Variants in NALCN observed in about 807,000 individuals in gnomAD.
NALCN encodes the protein sodium leak channel, non-selective, also known as sodium leak channel NALCN.
In NALCN, 111 loss-of-function variants were observed where a neutral mutation model predicts 225.3. The ratio of observed to expected loss-of-function variants is 0.49; its 90% CI spans 0.42 to 0.58. NALCN has a LOEUF of 0.58. NALCN is among the 20% of genes least tolerant of loss of function. The pLI, the probability that NALCN is intolerant of heterozygous loss-of-function variation, is 0.00. For synonymous variants in NALCN, 764 were observed against 769.0 expected, an observed-to-expected ratio of 0.99 and a Z score of 0.11; for missense variants, 1,378 against 2,202.4, an observed-to-expected ratio of 0.63 and a Z score of 7.49.
chr13:101,329,420 T>C (rs506746), intron 7 of NALCN, among the ~76,000 whole-genome samples: 122,010 of 152,106 alleles, frequency 0.8, 49,583 homozygotes, highest in Non-Finnish European at 0.86. Context: ...CAATAATTAT[T>C]ATTGCTGATT....
At chr13:101,345,174 C>A in intron 7 of NALCN, 92 bp downstream of exon 7, 1 of 1,318,322 alleles carries the variant, frequency 7.6e-7, no homozygotes, top group South Asian at 1.5e-5. Flanking sequence ...TACAGCCAGT[C>A]AAAATATTAG....
intron 3 of NALCN, among the ~76,000 whole-genome samples, chr13:101,386,929 A>T (rs1260586145): frequency 6.6e-6 from 1 of 152,198 alleles, no homozygotes; most frequent in Non-Finnish European, 1.5e-5. Flanking sequence ...CTCTTTAAAA[A>T]ATAACAGGTT....
At chr13:101,106,478 A>G (rs1461642975) in intron 22 of NALCN, among the ~76,000 whole-genome samples, 4 of 152,212 alleles carry the variant, frequency 2.6e-5, no homozygotes, top group African/African-American at 9.6e-5. Context: ...CATTTCCTCC[A>G]TGACTCTTAA....
At chr13:101,325,476 G>A (rs559147556) in intron 7 of NALCN, among the ~76,000 whole-genome samples, 12 of 152,288 alleles carry the variant, frequency 7.9e-5, no homozygotes, top group African/African-American at 2.9e-4. Context: ...ACACAAAACA[G>A]CCAGCTGCTG....
At chr13:101,155,651 C>T (rs566152055) in intron 15 of NALCN, among the ~76,000 whole-genome samples, 178 of 152,278 alleles carry the variant, frequency 1.2e-3, no homozygotes, top group African/African-American at 4.2e-3. Context: ...TCTTTTCCTA[C>T]TCCATTGGCT....
At chr13:101,359,074 G>A (rs1292271123) in intron 6 of NALCN, among the ~76,000 whole-genome samples, 1 of 152,132 alleles carries the variant, frequency 6.6e-6, no homozygotes, top group Non-Finnish European at 1.5e-5. Context: ...AATAGCTAAT[G>A]CATGCGGGGC....
chr13:101,106,447 TG>T (rs2035106555), intron 22 of NALCN, among the ~76,000 whole-genome samples: 1 of 152,188 alleles, frequency 6.6e-6, no homozygotes, highest in Non-Finnish European at 1.5e-5. Flanking sequence ...AACTACATAA[TG>T]GGAACATGGA....
intron 17 of NALCN, among the ~76,000 whole-genome samples, chr13:101,137,241 C>T (rs1330626266): frequency 6.6e-6 from 1 of 152,136 alleles, no homozygotes; most frequent in African/African-American, 2.4e-5. Context: ...TGTCATCTGT[C>T]ACTCTTTTCC....
chr13:101,340,111 C>A (rs2045509376), intron 7 of NALCN, among the ~76,000 whole-genome samples: 1 of 151,786 alleles, frequency 6.6e-6, no homozygotes, highest in Non-Finnish European at 1.5e-5. Flanking sequence ...ACTAAAAATA[C>A]AAAAAAATTA....
intron 11 of NALCN, among the ~76,000 whole-genome samples, chr13:101,258,162 G>A (rs2042301210): frequency 6.6e-6 from 1 of 152,118 alleles, no homozygotes; most frequent in Admixed American, 6.5e-5. Flanking sequence ...GATAATAAGA[G>A]GTGGATAGGA....
intron 6 of NALCN, among the ~76,000 whole-genome samples, chr13:101,360,853 G>C (rs1331912048): frequency 1.3e-5 from 2 of 152,150 alleles, no homozygotes; most frequent in East Asian, 1.9e-4. Flanking sequence ...TAAGGGAAGA[G>C]GACAGGCATG....
chr13:101,174,292 G>A (rs1238973657), intron 15 of NALCN, among the ~76,000 whole-genome samples: 1 of 152,136 alleles, frequency 6.6e-6, no homozygotes, highest in Non-Finnish European at 1.5e-5. Flanking sequence ...AGAGTATATG[G>A]TCCAAATTGT....
rs140118426 is a variant in NALCN at position 101,060,143 on chromosome 13, T to TG, written c.4756-177dup. The stretch of plus-strand genomic sequence containing the variant: ...TCAATGTTCAATTAAGGTAGGCTGA[T>TG]GCAAAGGTGGGCTTAGAGAGGTATG... On this transcript the variant is annotated intron_variant, in intron 41 of 43. Coordinates refer to ENST00000251127, the MANE Select transcript of NALCN (RefSeq NM_052867.4). 8.8e-3 allele frequency among the ~76,000 whole-genome samples: 1,338 copies of TG among 152,256 alleles called. 30 individuals carry two copies. In the East Asian group the frequency reaches 0.089, roughly 10 times the overall value.
rs1487588490 is a variant in NALCN, at chr13:101,054,136, A to G, written c.*1159T>C. 2 of 152,242 alleles carry G rather than the reference A, an allele frequency of 1.3e-5. No homozygotes were observed. The highest frequency in any genetic ancestry group is 2.9e-5 in the Non-Finnish European group (2 of 68,046). 9.4% of individuals were successfully genotyped at this position (152,242 alleles called of 1,614,324 possible). ...AAGTCCACTTCTACTTGGCTGGCCCAGCACAAGAAATCTAACAGCACTTTG... is the reference window on the plus strand; with the variant it reads ...AAGTCCACTTCTACTTGGCTGGCCCGGCACAAGAAATCTAACAGCACTTTG... On this transcript the variant is annotated 3_prime_UTR_variant, in exon 44 of 44. Coordinates refer to ENST00000251127, the MANE Select transcript of NALCN (RefSeq NM_052867.4).
At chr13:101,325,195 G>A (rs916900412) in intron 7 of NALCN, among the ~76,000 whole-genome samples, 2 of 152,124 alleles carry the variant, frequency 1.3e-5, no homozygotes, top group Non-Finnish European at 2.9e-5. Flanking sequence ...CAAATGGGCT[G>A]ACTTTATGAA....
intron 27 of NALCN, among the ~76,000 whole-genome samples, chr13:101,098,003 C>G (rs777276298): frequency 6.6e-6 from 1 of 152,302 alleles, no homozygotes; most frequent in Middle Eastern, 3.4e-3. Context: ...CATCACCTCT[C>G]CTGAAGTAGG....
intron 26 of NALCN, 116 bp from the exon 27 acceptor site, chr13:101,101,004 T>G (rs576652615): frequency 1.2e-6 from 1 of 818,052 alleles, no homozygotes; most frequent in African/African-American, 1.7e-5. Context: ...TCATGGGTTT[T>G]TGATGATATA....
chr13:101,104,836 A>G lies in NALCN; in HGVS notation c.2636+58T>C, dbSNP rs2035014461. On this transcript the variant is annotated intron_variant, in intron 23 of 43. Transcript: ENST00000251127. The surrounding 1 kb of genome is among the most constrained non-coding windows in gnomAD (Gnocchi z 4.2). The stretch of plus-strand genomic sequence containing the variant: ...GAGAATTTTAATCGTTGTATGCAGC[A>G]TAAAATAGTACATGAAAACTTTAAA... 3 of 1,588,890 alleles carry G rather than the reference A, an allele frequency of 1.9e-6. No individual in the cohort carries two copies. The highest frequency in any genetic ancestry group is 2.2e-5 in the East Asian group (1 of 44,686).
At chr13:101,075,787 C>T (rs1336254220) in intron 35 of NALCN, 86 bp downstream of exon 35, 24 of 1,101,526 alleles carry the variant, frequency 2.2e-5, no homozygotes, top group East Asian at 1.3e-4. Context: ...CCTAAATAAC[C>T]GAGGTAAGGC....
Sources: gnomAD v4.1 joint callset for allele counts (sites outside exome capture counted in the v4.1 genomes callset) on GRCh38, gnomAD v4.1.1 for gene constraint, Gnocchi (gnomAD v3.1) non-coding constraint, MANE v1.5 for transcripts, NCBI Gene and HGNC (gene_info 2026-07-23, HGNC 2026-07-21) for gene names.